Variants in TMEM132C observed in about 807,000 individuals in gnomAD.
TMEM132C encodes the protein transmembrane protein 132C.
In TMEM132C, 29 loss-of-function variants were observed where a neutral mutation model predicts 61.4. The observed-to-expected ratio is 0.47, with a 90% CI of 0.35 to 0.64. The LOEUF (loss-of-function observed/expected upper bound fraction) is 0.64, where lower values mean the gene tolerates loss of function less well. Ranked by LOEUF, TMEM132C falls within the 30% of genes least tolerant of loss-of-function variation. TMEM132C has a pLI of 0.00. For synonymous variants in TMEM132C, 656 were observed against 633.1 expected, an observed-to-expected ratio of 1.04 and a Z score of -0.54; for missense variants, 1,408 against 1,476.9, an observed-to-expected ratio of 0.95 and a Z score of 0.76.
chr12:128,453,960 G>A (rs1870262879), intron 2 of TMEM132C, among the ~76,000 whole-genome samples: 1 of 152,182 alleles, frequency 6.6e-6, no homozygotes, highest in Admixed American at 6.5e-5. Context: ...GGAGATGTGT[G>A]GAGACCACAG....
chr12:128,605,809 C>T (rs1052178824), intron 3 of TMEM132C, among the ~76,000 whole-genome samples: 4 of 152,314 alleles, frequency 2.6e-5, no homozygotes, highest in Admixed American at 1.3e-4. Flanking sequence ...AGAATTTATA[C>T]TCATTGGAGA....
chr12:128,382,230 C>G (rs1412433217), intron 1 of TMEM132C, among the ~76,000 whole-genome samples: 1 of 152,232 alleles, frequency 6.6e-6, no homozygotes, highest in South Asian at 2.1e-4. Flanking sequence ...TTTGTGCTCA[C>G]AGAAAAATGC....
intron 4 of TMEM132C, among the ~76,000 whole-genome samples, chr12:128,662,556 G>A (rs539204353): frequency 2.0e-5 from 3 of 152,246 alleles, no homozygotes; most frequent in Admixed American, 1.3e-4. Flanking sequence ...CCCTGGGCTC[G>A]ACATTCAAAT....
chr12:128,660,774 A>G (rs1464598953), intron 4 of TMEM132C, among the ~76,000 whole-genome samples: 1 of 152,148 alleles, frequency 6.6e-6, no homozygotes. Context: ...CTGAACCTCC[A>G]CGGCCACCGT....
intron 2 of TMEM132C, among the ~76,000 whole-genome samples, chr12:128,431,469 G>A (rs1869384195): frequency 6.6e-6 from 1 of 152,084 alleles, no homozygotes; most frequent in Non-Finnish European, 1.5e-5. Flanking sequence ...CGTCGATGAG[G>A]TGGCTGCACT....
intron 4 of TMEM132C, among the ~76,000 whole-genome samples, chr12:128,655,900 G>C (rs1302055641): frequency 1.3e-5 from 2 of 152,164 alleles, no homozygotes; most frequent in Non-Finnish European, 2.9e-5. Flanking sequence ...CCTTAAGTTT[G>C]GCTGAGAATA....
At chr12:128,281,829 C>G (rs768084205) in intron 1 of TMEM132C, among the ~76,000 whole-genome samples, 5 of 152,186 alleles carry the variant, frequency 3.3e-5, no homozygotes, top group African/African-American at 1.2e-4. Context: ...TCCCACTGAC[C>G]TTGAGGAACA....
intron 2 of TMEM132C, among the ~76,000 whole-genome samples, chr12:128,475,529 T>C (rs1244741691): frequency 6.6e-6 from 1 of 152,102 alleles, no homozygotes; most frequent in Admixed American, 6.6e-5. Flanking sequence ...ACTAATATGC[T>C]TTCAGATGGT....
Position 128,399,713 on chromosome 12 carries a change from A to T in TMEM132C, c.86-15019A>T, listed in dbSNP as rs191446521. Among the ~76,000 whole-genome samples, 475 of 152,256 alleles carry T rather than the reference A, an allele frequency of 3.1e-3. 2 individuals carry two copies. Among genetic ancestry groups the T allele is most frequent in the African/African-American group, 0.011 (457 of 41,550 alleles). On this transcript the variant is annotated intron_variant, in intron 1 of 8. Coordinates refer to ENST00000435159, the MANE Select transcript of TMEM132C (RefSeq NM_001136103.3). Reference sequence around the variant, plus strand: ...CTTCCTCTCTATCAGGGGTCCGCACACTATGGCCTGTGGGTCAAACACAGC... The same window carrying T: ...CTTCCTCTCTATCAGGGGTCCGCACTCTATGGCCTGTGGGTCAAACACAGC...
chr12:128,328,569 A>G (rs1208074866), intron 1 of TMEM132C, among the ~76,000 whole-genome samples: 1 of 151,986 alleles, frequency 6.6e-6, no homozygotes, highest in Non-Finnish European at 1.5e-5. Context: ...TGGGTAGATC[A>G]CGAGGTCAGG....
chr12:128,339,429 C>G (rs1051694127), intron 1 of TMEM132C, among the ~76,000 whole-genome samples: 4 of 152,042 alleles, frequency 2.6e-5, no homozygotes, highest in African/African-American at 9.7e-5. Context: ...GCTTGCATAT[C>G]AAGGCCTGCG....
intron 2 of TMEM132C, among the ~76,000 whole-genome samples, chr12:128,475,346 C>T (rs1871123240): frequency 6.6e-6 from 1 of 151,896 alleles, no homozygotes; most frequent in Non-Finnish European, 1.5e-5. Context: ...ATAAAATGTC[C>T]CGAATAATCA....
At chr12:128,268,507 G>T (rs2135885355) in intron 1 of TMEM132C, among the ~76,000 whole-genome samples, 1 of 152,124 alleles carries the variant, frequency 6.6e-6, no homozygotes, top group East Asian at 2.0e-4. Flanking sequence ...TCGCTTTCCT[G>T]CTCCCCGCGC....
At position 128,703,327 on chromosome 12, in the gene TMEM132C, T is replaced by C. The variant is rs182512575; in HGVS notation, c.2122-1763T>C. Among the ~76,000 whole-genome samples the C allele has an allele frequency of 6.3e-3, 961 of 152,204 alleles. 8 individuals are homozygous for C. Among genetic ancestry groups the C allele is most frequent in the African/African-American group, 0.022 (906 of 41,526 alleles). On this transcript the variant is annotated intron_variant, in intron 8 of 8. Transcript: ENST00000435159. ...CTCCACCCTCCAATAGGCCCCAGTGTGTGCTGTTCCCCTCTATCTGTCCAT... is the reference window on the plus strand; with the variant it reads ...CTCCACCCTCCAATAGGCCCCAGTGCGTGCTGTTCCCCTCTATCTGTCCAT...
chr12:128,586,296 A>G (rs1470214295), intron 3 of TMEM132C, among the ~76,000 whole-genome samples: 2 of 151,706 alleles, frequency 1.3e-5, no homozygotes, highest in African/African-American at 2.4e-5. Flanking sequence ...ATAGCCAAAC[A>G]TACTTTATCA....
intron 3 of TMEM132C, among the ~76,000 whole-genome samples, chr12:128,593,224 C>G (rs1875821034): frequency 6.7e-6 from 1 of 150,088 alleles, no homozygotes; most frequent in Non-Finnish European, 1.5e-5. Flanking sequence ...TTTCTTCTCT[C>G]TCTCTTCTCT....
intron 1 of TMEM132C, among the ~76,000 whole-genome samples, chr12:128,351,398 A>G (rs77853702): frequency 0.037 from 5,697 of 152,228 alleles, 348 homozygotes; most frequent in African/African-American, 0.13. Context: ...ATATATATTC[A>G]AATATATCAT....
intron 1 of TMEM132C, among the ~76,000 whole-genome samples, chr12:128,402,751 A>T (rs1875211248): frequency 6.6e-6 from 1 of 152,240 alleles, no homozygotes; most frequent in South Asian, 2.1e-4. Flanking sequence ...GGAAACACTG[A>T]CACCATGCAG....
At chr12:128,523,364 C>T (rs933410007) in intron 2 of TMEM132C, among the ~76,000 whole-genome samples, 1 of 152,058 alleles carries the variant, frequency 6.6e-6, no homozygotes, top group East Asian at 1.9e-4. Flanking sequence ...AATACTGTGC[C>T]GATGCTTAAT....
Sources: allele counts gnomAD v4.1 joint callset (sites outside exome capture counted in the v4.1 genomes callset), GRCh38; gene constraint gnomAD v4.1.1; transcripts MANE v1.5; gene names NCBI Gene and HGNC (gene_info 2026-07-23, HGNC 2026-07-21).